Variants in MBD1 observed in about 807,000 individuals in gnomAD.
The protein encoded by MBD1 is methyl-CpG-binding domain protein 1.
In MBD1, 25 loss-of-function variants were observed where a neutral mutation model predicts 82.6. The ratio of observed to expected loss-of-function variants is 0.30; its 90% CI spans 0.22 to 0.42. MBD1 has a LOEUF of 0.42. Ranked by LOEUF, MBD1 falls within the 10% of genes least tolerant of loss-of-function variation. The pLI, the probability that MBD1 is intolerant of heterozygous loss-of-function variation, is 1.00. For synonymous variants in MBD1, 301 were observed against 303.7 expected (o/e 0.99, Z 0.09); for missense variants, 627 against 819.6 (o/e 0.76, Z 2.87).
chr18:50,281,039 T>G, intron 1 of MBD1: 1 of 913,038 alleles, frequency 1.1e-6, no homozygotes. Context: ...GGGCCCCTCA[T>G]TTCTCCCTCT....
downstream of MBD1, among the ~76,000 whole-genome samples, chr18:50,268,165 G>C (rs2034155064): frequency 1.3e-5 from 2 of 152,206 alleles, no homozygotes; most frequent in African/African-American, 4.8e-5. Flanking sequence ...CGGTCCGGGC[G>C]GAACCACCCC....
chr18:50,281,239 G>T (rs1212221129), intron 1 of MBD1, 124 bp downstream of exon 1: 5 of 1,533,238 alleles, frequency 3.3e-6, no homozygotes, highest in Non-Finnish European at 4.4e-6. Flanking sequence ...GTATTCCGAC[G>T]CCGCCATTCC....
chr18:50,274,093 C>G (rs1319106594), intron 11 of MBD1, 93 bp downstream of exon 11: 2 of 1,546,266 alleles, frequency 1.3e-6, no homozygotes, highest in African/African-American at 2.7e-5. Flanking sequence ...TACTGCCCCA[C>G]CCACCCACCT....
intron 16 of MBD1, chr18:50,270,082 G>A: frequency 6.3e-7 from 1 of 1,597,886 alleles, no homozygotes; most frequent in Non-Finnish European, 8.5e-7. Flanking sequence ...TGGGTGGTTG[G>A]TTCCTGGGGG....
At chr18:50,278,048 A>G (rs1362375764) in intron 2 of MBD1, among the ~76,000 whole-genome samples, 3 of 152,140 alleles carry the variant, frequency 2.0e-5, no homozygotes. Flanking sequence ...CCAAACCCTA[A>G]TGTAATATGT....
chr18:50,278,457 C>T (rs527907212), intron 2 of MBD1, among the ~76,000 whole-genome samples: 1 of 152,236 alleles, frequency 6.6e-6, no homozygotes, highest in South Asian at 2.1e-4. Context: ...ATTATCTTGT[C>T]CTAAGAATGA....
Position 50,281,366 on chromosome 18 carries a change from T to A in MBD1, c.-29A>T. On this transcript the variant is annotated 5_prime_UTR_variant, in exon 1 of 17. Coordinates refer to ENST00000269468, the MANE Select transcript of MBD1 (RefSeq NM_015846.4). ...TCCAGCCCCAAGGCTGTCTCACCAGTTTGGCACCAGGCCGGTATCTTCCGC... is the reference window on the plus strand; with the variant it reads ...TCCAGCCCCAAGGCTGTCTCACCAGATTGGCACCAGGCCGGTATCTTCCGC... 1.2e-6 allele frequency: 1 copy of A among 807,520 alleles called. No homozygotes were observed. Among genetic ancestry groups the A allele is most frequent in the East Asian group, 2.7e-5 (1 of 37,610 alleles). The allele number at this position is 807,520 out of a possible 1,614,324, so 50.0% of individuals were successfully genotyped here. A position where few individuals can be genotyped will look rare whatever the true frequency, so the allele number is the denominator to read the frequency against.
rs761140878 is a variant in MBD1, at chr18:50,275,957, C to T, written c.541G>A (p.Ala181Thr). 6.2e-7 allele frequency: 1 copy of T among 1,613,356 alleles called. No homozygotes were observed. Among genetic ancestry groups the T allele is most frequent in the Non-Finnish European group, 8.5e-7 (1 of 1,180,022 alleles). ...CCACAGTCTTCTGTTACCTGGCAGG[C>T]TGCACACTCCCCACAGCCCACACGC... is the stretch of plus-strand genomic sequence containing the variant. The part of the protein sequence containing the change: ...FKRVGCGECA[A>T]CQVTEDCGAC... The change falls in exon 7 of 17, where the codon GCC becomes ACC. Residue 181 changes from alanine to threonine, a missense_variant. Ala to Thr is a moderately conservative substitution (Grantham distance 58). This residue lies in a region of MBD1 where 228 missense variants were observed against 318.1 expected (regional missense o/e 0.72). Coordinates refer to ENST00000269468, the MANE Select transcript of MBD1 (RefSeq NM_015846.4).
At chr18:50,268,424 GT>G (rs2034220488), downstream of MBD1, among the ~76,000 whole-genome samples, 1 of 152,248 alleles carries the variant, frequency 6.6e-6, no homozygotes, top group African/African-American at 2.4e-5. Flanking sequence ...CCCCGGTTCG[GT>G]TTTGCCTGTT....
intron 6 of MBD1, 47 bp downstream of exon 6, chr18:50,276,331 T>A (rs375492741): frequency 2.5e-6 from 4 of 1,588,370 alleles, no homozygotes; most frequent in Non-Finnish European, 3.5e-6. Flanking sequence ...CTCCATCACA[T>A]CCTGCTCCCA....
At position 50,269,599 on chromosome 18, in the gene MBD1, G is replaced by C. The variant is rs373370638; in HGVS notation, c.*252C>G. On this transcript the variant is annotated 3_prime_UTR_variant, in exon 17 of 17. Transcript: ENST00000269468. ...CACCTTCCCCAGGATCATCCTTTCA[G>C]CTTCTCTAATTCCTGGGCCAGATGC... 8 of 719,016 alleles carry C rather than the reference G, an allele frequency of 1.1e-5. No individual in the cohort carries two copies. Among genetic ancestry groups the C allele is most frequent in the Non-Finnish European group, 1.8e-5 (7 of 385,328 alleles). 44.5% of individuals were successfully genotyped at this position (719,016 alleles called of 1,614,324 possible).
At position 50,272,662 on chromosome 18, in the gene MBD1, C is replaced by T. The variant is rs2036088902; in HGVS notation, c.1778+15G>A. On this transcript the variant is annotated intron_variant, in intron 15 of 16. Coordinates refer to ENST00000269468, the MANE Select transcript of MBD1 (RefSeq NM_015846.4). ...ACACCCACTCCTTCCCCACCCCTCA[C>T]TGTGTGGGGCACACCTTGGCAACCA... The T allele has an allele frequency of 6.2e-7, 1 of 1,613,844 alleles. No individual in the cohort carries two copies. The highest frequency in any genetic ancestry group is 8.5e-7 in the Non-Finnish European group (1 of 1,179,768).
In MBD1 at chr18:50,273,582, G is replaced by A. The variant is rs760392637; in HGVS notation, c.1428C>T (p.Ser476=). Residue 476 remains serine (S), a synonymous_variant, in exon 12 of 17, where the codon TCC becomes TCT. Coordinates refer to ENST00000269468, the MANE Select transcript of MBD1 (RefSeq NM_015846.4). ...PVQVPGPVAA[S]TEALLQEAQC... ...CCCTCACCTGCAACAGGGCTTCTGT[G>A]GAAGCTGCAACAGGGCCCGGCACCT... 4 of 1,612,792 alleles carry A rather than the reference G, an allele frequency of 2.5e-6. No homozygotes were observed. The South Asian group carries it at 4.4e-5, about 18-fold the overall frequency.
chr18:50,271,801 C>A (rs1279631605), intron 15 of MBD1, among the ~76,000 whole-genome samples: 1 of 152,180 alleles, frequency 6.6e-6, no homozygotes, highest in African/African-American at 2.4e-5. Flanking sequence ...GTGCACCCAA[C>A]AGGAACTCAA....
chr18:50,275,755 G>C, intron 7 of MBD1, 27 bp from the exon 8 acceptor site: 1 of 1,614,194 alleles, frequency 6.2e-7, no homozygotes, highest in Non-Finnish European at 8.5e-7. Context: ...GGTGGGAGCA[G>C]AGGCATGAAG....
At chr18:50,272,532 C>A in intron 15 of MBD1, 145 bp downstream of exon 15, 1 of 858,934 alleles carries the variant, frequency 1.2e-6, no homozygotes, top group Non-Finnish European at 2.0e-6. Context: ...ACACACACGC[C>A]CCTCATTAAT....
chr18:50,276,874 T>A lies in MBD1; in HGVS notation c.350A>T (p.Lys117Met), dbSNP rs201327689. Residue 117 changes from lysine to methionine, a missense_variant, in exon 4 of 17, where the codon AAG becomes ATG. By Grantham distance (95) the Lys-to-Met change is moderately conservative. Coordinates refer to ENST00000269468, the MANE Select transcript of MBD1 (RefSeq NM_015846.4). ...AGCTGGGGCTGTGTCAGTGTCAGCC[T>A]TGGTCTCATCCCTCGGGGCCTCCTT... ...VRKEAPRDETKADTDTAPASF... is the reference protein window; with the variant it reads ...VRKEAPRDETMADTDTAPASF... The A allele has an allele frequency of 6.2e-7, 1 of 1,614,234 alleles. No individual in the cohort carries two copies. Among genetic ancestry groups the A allele is most frequent in the African/African-American group, 1.3e-5 (1 of 75,068 alleles).
At chr18:50,270,227 A>G in intron 16 of MBD1, 1 of 1,444,490 alleles carries the variant, frequency 6.9e-7, no homozygotes, top group Non-Finnish European at 9.6e-7. Flanking sequence ...CCATGTCTGA[A>G]TTACTTAAAG....
chr18:50,271,610 C>T (rs972292313), intron 15 of MBD1, 70 bp from the exon 16 acceptor site: 3 of 1,517,590 alleles, frequency 2.0e-6, no homozygotes, highest in Non-Finnish European at 2.7e-6. Flanking sequence ...ATTACAAAAC[C>T]ATTTCCTACT....
Sources: gnomAD v4.1 joint callset for allele counts (sites outside exome capture counted in the v4.1 genomes callset) on GRCh38, gnomAD v4.1.1 for gene constraint, gnomAD v4.1.1 regional missense constraint, MANE v1.5 for transcripts, NCBI Gene and HGNC (gene_info 2026-07-23, HGNC 2026-07-21) for gene names.